The following TMEM245 variants were observed in gnomAD, a reference collection of about 807,000 sequenced individuals.
The protein encoded by TMEM245 is protein CG-2.
TMEM245 carries 69 observed loss-of-function variants against 101.2 expected under a neutral mutation model. The observed-to-expected ratio is 0.68, with a 90% CI of 0.56 to 0.83. The LOEUF is 0.83. TMEM245 is among the 40% of genes least tolerant of loss of function. The pLI, the probability that TMEM245 is intolerant of heterozygous loss-of-function variation, is 0.00. For missense variants in TMEM245, 1,075 were observed against 1,092.8 expected, an observed-to-expected ratio of 0.98 and a Z score of 0.23; for synonymous variants, 537 against 449.8, an observed-to-expected ratio of 1.19 and a Z score of -2.45.
chr9:109,106,065 C>T (rs1224355938), intron 3 of TMEM245, among the ~76,000 whole-genome samples: 1 of 152,134 alleles, frequency 6.6e-6, no homozygotes, highest in Non-Finnish European at 1.5e-5. Flanking sequence ...AGCCACTGCG[C>T]ACGGCCTGTA....
At position 109,110,718 on chromosome 9, in the gene TMEM245, A is replaced by C. The variant is rs572489422; in HGVS notation, c.580-2148T>G. ...TACACAAATCAGTTATACAAAACTG[A>C]GTTGTCAATAAATATTGAGATAATC... On this transcript the variant is annotated intron_variant, in intron 1 of 17. Coordinates refer to ENST00000374586, the MANE Select transcript of TMEM245 (RefSeq NM_032012.4). Among the ~76,000 whole-genome samples, 8 of 152,284 alleles carry C rather than the reference A, an allele frequency of 5.3e-5. No homozygotes were observed. The South Asian group carries it at 1.7e-3, about 32-fold the overall frequency.
chr9:109,074,276 A>G (rs529616977), intron 8 of TMEM245, among the ~76,000 whole-genome samples: 1 of 152,186 alleles, frequency 6.6e-6, no homozygotes, highest in Non-Finnish European at 1.5e-5. Context: ...CAGTTGAAAA[A>G]AAATTTTTTC....
At chr9:109,093,936 C>T (rs1830072844) in intron 3 of TMEM245, among the ~76,000 whole-genome samples, 2 of 152,212 alleles carry the variant, frequency 1.3e-5, no homozygotes, top group Admixed American at 1.3e-4. Flanking sequence ...AGTCTGTGAG[C>T]TCCCTGATCT....
intron 9 of TMEM245, among the ~76,000 whole-genome samples, chr9:109,067,463 T>C (rs1269223108): frequency 6.6e-6 from 1 of 152,164 alleles, no homozygotes; most frequent in African/African-American, 2.4e-5. Context: ...GCCTTCACCT[T>C]CCTGGGTAAA....
At chr9:109,082,650 AT>A (rs78965338) in intron 7 of TMEM245, among the ~76,000 whole-genome samples, 19,530 of 149,594 alleles carry the variant, frequency 0.13, 1,798 homozygotes, top group African/African-American at 0.25. Context: ...TAGAGCCTCT[AT>A]TTTTTTTTTT....
chr9:109,112,646 T>C (rs1380197993), intron 1 of TMEM245, among the ~76,000 whole-genome samples: 1 of 152,032 alleles, frequency 6.6e-6, no homozygotes, highest in Non-Finnish European at 1.5e-5. Context: ...ATATGTATGT[T>C]ATCTCATCTT....
Position 109,084,650 on chromosome 9 carries a change from C to G in TMEM245, c.1344+1347G>C, listed in dbSNP as rs1282215401. 3.3e-5 allele frequency among the ~76,000 whole-genome samples: 5 copies of G among 152,314 alleles called. No homozygotes were observed. The East Asian group carries it at 9.6e-4, about 29-fold the overall frequency. On this transcript the variant is annotated intron_variant, in intron 7 of 17. Transcript: ENST00000374586. ...AGCTTTCATTGTGCCACTGCTCCAGCCTGAGCAACGGAGCAAGACCCTGTC... is the reference window on the plus strand; with the variant it reads ...AGCTTTCATTGTGCCACTGCTCCAGGCTGAGCAACGGAGCAAGACCCTGTC...
At chr9:109,092,554 T>C (rs1261561235) in intron 4 of TMEM245, among the ~76,000 whole-genome samples, 1 of 152,152 alleles carries the variant, frequency 6.6e-6, no homozygotes, top group African/African-American at 2.4e-5. Context: ...GAAGAATGAG[T>C]CCAAAACCAA....
intron 3 of TMEM245, among the ~76,000 whole-genome samples, chr9:109,105,484 A>C (rs1012629807): frequency 6.6e-6 from 1 of 152,246 alleles, no homozygotes; most frequent in African/African-American, 2.4e-5. Context: ...CATACGACCC[A>C]GTAATTCTAC....
intron 10 of TMEM245, among the ~76,000 whole-genome samples, chr9:109,062,449 G>T (rs190590777): frequency 3.3e-5 from 5 of 152,254 alleles, no homozygotes; most frequent in African/African-American, 4.8e-5. Flanking sequence ...GAATTTAACA[G>T]GTGTGAAATG....
At chr9:109,090,188 G>A (rs993982445) in intron 5 of TMEM245, among the ~76,000 whole-genome samples, 3 of 152,054 alleles carry the variant, frequency 2.0e-5, no homozygotes, top group Non-Finnish European at 4.4e-5. Flanking sequence ...TTGAACCCAG[G>A]GGGCAAAGGC....
chr9:109,072,552 C>T (rs549033995), intron 9 of TMEM245, among the ~76,000 whole-genome samples: 2 of 152,320 alleles, frequency 1.3e-5, no homozygotes, highest in East Asian at 1.9e-4. Flanking sequence ...GAACTCTTAA[C>T]CTGTACCTGT....
intron 11 of TMEM245, among the ~76,000 whole-genome samples, chr9:109,059,366 C>T (rs994488811): frequency 1.3e-5 from 2 of 152,150 alleles, no homozygotes; most frequent in Non-Finnish European, 2.9e-5. Context: ...AAGAGACTTA[C>T]ATATATACTT....
At chr9:109,028,454 C>A (rs1408463489) in intron 17 of TMEM245, among the ~76,000 whole-genome samples, 28 of 137,878 alleles carry the variant, frequency 2.0e-4, no homozygotes, top group South Asian at 2.3e-4. Context: ...CACTCCATCT[C>A]AAAAAAAAAA....
intron 17 of TMEM245, among the ~76,000 whole-genome samples, chr9:109,026,746 T>C (rs766225727): frequency 2.0e-5 from 3 of 151,456 alleles, no homozygotes; most frequent in South Asian, 2.1e-4. Context: ...TGGGAGGTGT[T>C]TGGGCCACAG....
chr9:109,056,043 C>T (rs1317082976), intron 12 of TMEM245, among the ~76,000 whole-genome samples: 8 of 152,152 alleles, frequency 5.3e-5, no homozygotes, highest in Non-Finnish European at 7.4e-5. Flanking sequence ...ATGTTAAAGG[C>T]CCAATATCTG....
At chr9:109,097,595 A>C (rs1415355154) in intron 3 of TMEM245, among the ~76,000 whole-genome samples, 1 of 152,182 alleles carries the variant, frequency 6.6e-6, no homozygotes, top group East Asian at 1.9e-4. Flanking sequence ...ATAAATTCGT[A>C]TCTCATTTGA....
intron 12 of TMEM245, among the ~76,000 whole-genome samples, chr9:109,055,826 G>C (rs1195643217): frequency 6.6e-6 from 1 of 151,958 alleles, no homozygotes; most frequent in Non-Finnish European, 1.5e-5. Flanking sequence ...TAGAGACGGG[G>C]TTTCTCCATG....
intron 12 of TMEM245, among the ~76,000 whole-genome samples, chr9:109,053,231 GC>G (rs1212924020): frequency 1.3e-5 from 2 of 152,172 alleles, no homozygotes; most frequent in Non-Finnish European, 2.9e-5. Context: ...TTTGAGACCA[GC>G]CTGGCCAACA....
Sources: allele counts gnomAD v4.1 joint callset (sites outside exome capture counted in the v4.1 genomes callset), GRCh38; gene constraint gnomAD v4.1.1; transcripts MANE v1.5; gene names NCBI Gene and HGNC (gene_info 2026-07-23, HGNC 2026-07-21).